KIAA0586: variants seen among roughly 807,000 people sequenced by gnomAD.
The protein encoded by KIAA0586 is protein TALPID3.
In KIAA0586, 144 loss-of-function variants were observed where a neutral mutation model predicts 169.8. That is an observed-to-expected ratio of 0.85 (90% CI 0.74 to 0.97). The LOEUF is 0.97. KIAA0586 is among the 50% of genes least tolerant of loss of function. The pLI is 0.00. For missense variants in KIAA0586, 1,854 were observed against 1,823.0 expected (o/e 1.02, Z -0.31); for synonymous variants, 625 against 612.4 (o/e 1.02, Z -0.30).
At chr14:58,546,481 A>G (rs1002370765) in intron 30 of KIAA0586, among the ~76,000 whole-genome samples, 1 of 152,226 alleles carries the variant, frequency 6.6e-6, no homozygotes, top group African/African-American at 2.4e-5. Context: ...AAGGGATTTT[A>G]GAAAAATTAC....
At chr14:58,551,559 C>T (rs1217709502), downstream of KIAA0586, among the ~76,000 whole-genome samples, 5 of 151,968 alleles carry the variant, frequency 3.3e-5, no homozygotes, top group African/African-American at 4.8e-5. Context: ...GTCAGGAGTT[C>T]GAGACCAGTC....
intron 30 of KIAA0586, among the ~76,000 whole-genome samples, chr14:58,543,126 C>T (rs1188503825): frequency 1.6e-4 from 15 of 95,432 alleles, no homozygotes; most frequent in African/African-American, 7.8e-4. Flanking sequence ...AACGAGATTA[C>T]GTCTCAAAAA....
At chr14:58,459,106 C>T (rs1219060884) in intron 12 of KIAA0586, among the ~76,000 whole-genome samples, 2 of 152,094 alleles carry the variant, frequency 1.3e-5, no homozygotes, top group South Asian at 2.1e-4. Context: ...CGGAACTAGG[C>T]AGGCTAAGGT....
chr14:58,497,004 C>T (rs1265256636), intron 26 of KIAA0586, among the ~76,000 whole-genome samples: 25 of 143,904 alleles, frequency 1.7e-4, no homozygotes, highest in African/African-American at 6.2e-4. Context: ...GACGGAGTTT[C>T]GCTTTTGTTG....
At chr14:58,531,314 G>T (rs1342468073) in intron 29 of KIAA0586, among the ~76,000 whole-genome samples, 1 of 144,624 alleles carries the variant, frequency 6.9e-6, no homozygotes, top group East Asian at 2.0e-4. Context: ...GGGACAGACC[G>T]AGACTCCGTC....
chr14:58,497,717 G>A (rs1184856081), intron 26 of KIAA0586, among the ~76,000 whole-genome samples: 1 of 151,870 alleles, frequency 6.6e-6, no homozygotes, highest in African/African-American at 2.4e-5. Flanking sequence ...GCTGTTTAAA[G>A]TATATTATTC....
Position 58,501,361 on chromosome 14 carries a change from TAC to T in KIAA0586, c.4168+2403_4168+2404del, listed in dbSNP as rs372718343. On this transcript the variant is annotated intron_variant, in intron 27 of 30. Transcript: ENST00000652326. ...GATTCAAATGGCATGAAATGTGACT[TAC>T]ATTTATGTCCAGCTAAATTTGCAGA... is the stretch of plus-strand genomic sequence containing the variant. Among the ~76,000 whole-genome samples, 206 of 152,360 alleles carry T rather than the reference TAC, an allele frequency of 1.4e-3. 8 individuals are homozygous for T. The South Asian group carries it at 0.041, about 30-fold the overall frequency.
rs1484496099 is a variant in KIAA0586 at position 58,442,835 on chromosome 14, T to C, written c.540T>C (p.Ala180=). 1 of 1,610,074 alleles carries C rather than the reference T, an allele frequency of 6.2e-7. No homozygotes were observed. The highest frequency in any genetic ancestry group is 1.3e-5 in the African/African-American group (1 of 75,010). ...GAATTGATTCAGCTACAACCGTGGC[T>C]GCAGCAACTGCTGCTGCCATTGCAA... is the stretch of plus-strand genomic sequence containing the variant. The part of the protein sequence containing the change: ...PSGIDSATTV[A]AATAAAIATA... The change falls in exon 5 of 31, where the codon GCT becomes GCC. Residue 180 remains alanine, a synonymous_variant. Transcript: ENST00000652326.
At chr14:58,454,947 A>G (rs996168380) in intron 9 of KIAA0586, among the ~76,000 whole-genome samples, 14 of 152,220 alleles carry the variant, frequency 9.2e-5, no homozygotes, top group African/African-American at 3.4e-4. Flanking sequence ...GTGGTTTCTG[A>G]TGAGGAGTTG....
rs2042506244 is a variant in KIAA0586, at chr14:58,487,086, T to C, written c.3224T>C (p.Leu1075Ser). Residue 1075 changes from leucine (L) to serine (S), a missense_variant, in exon 22 of 31, where the codon TTG becomes TCG. Leu to Ser is a moderately radical substitution (Grantham distance 145). Transcript: ENST00000652326. Reference sequence around the variant, plus strand: ...TCATCACCTGCTAAGGAGTGTGTTTTGGTAAAGACTCCAGATTCTTCTCCC... The same window carrying C: ...TCATCACCTGCTAAGGAGTGTGTTTCGGTAAAGACTCCAGATTCTTCTCCC... ...SPSSPAKECV[L>S]VKTPDSSPCD... 1 of 1,613,602 alleles carries C rather than the reference T, an allele frequency of 6.2e-7. No homozygotes were observed. Among genetic ancestry groups the C allele is most frequent in the Non-Finnish European group, 8.5e-7 (1 of 1,179,524 alleles).
At chr14:58,539,922 AG>A (rs2046536880) in intron 29 of KIAA0586, 148 bp from the exon 30 acceptor site, 1 of 535,610 alleles carries the variant, frequency 1.9e-6, no homozygotes. Flanking sequence ...CTTTACATTC[AG>A]GCCACTAGAT....
chr14:58,532,136 A>G (rs1308189400), intron 29 of KIAA0586, among the ~76,000 whole-genome samples: 1 of 152,122 alleles, frequency 6.6e-6, no homozygotes, highest in Non-Finnish European at 1.5e-5. Flanking sequence ...GTACCTATGT[A>G]ACAAACCTGC....
chr14:58,472,982 A>G (rs1223735050), intron 18 of KIAA0586, among the ~76,000 whole-genome samples: 2 of 144,862 alleles, frequency 1.4e-5, no homozygotes, highest in African/African-American at 5.1e-5. Context: ...GAGAATTTTG[A>G]AGACAGGGAC....
rs779554669 is a variant in KIAA0586 at position 58,487,108 on chromosome 14, T to G, written c.3246T>G (p.Ser1082=). The G allele has an allele frequency of 4.3e-6, 7 of 1,613,608 alleles. No individual in the cohort carries two copies. The East Asian group carries it at 1.6e-4, about 36-fold the overall frequency. Reference sequence around the variant, plus strand: ...TTTTGGTAAAGACTCCAGATTCTTCTCCCTGTGATTCGGATCATGATATGG... The same window carrying G: ...TTTTGGTAAAGACTCCAGATTCTTCGCCCTGTGATTCGGATCATGATATGG... ...ECVLVKTPDS[S]PCDSDHDMAF... Residue 1082 remains serine, a synonymous_variant, in exon 22 of 31, where the codon TCT becomes TCG. Transcript: ENST00000652326.
chr14:58,523,322 T>A lies in KIAA0586; in HGVS notation c.4429+10695T>A, dbSNP rs558387818. On this transcript the variant is annotated intron_variant, in intron 29 of 30. Transcript: ENST00000652326. ...GTATGGAGAGCTTGGGTTTTTCTCA[T>A]CTTTTTGACATTAAACACATCTCAC... is the stretch of plus-strand genomic sequence containing the variant. Among the ~76,000 whole-genome samples the A allele has an allele frequency of 5.9e-5, 9 of 152,290 alleles. 1 individual carries two copies. The South Asian group carries it at 1.9e-3, about 32-fold the overall frequency.
chr14:58,559,771 C>A, the KIAA0586 span, among the ~76,000 whole-genome samples: 1 of 152,096 alleles, frequency 6.6e-6, no homozygotes, highest in Non-Finnish European at 1.5e-5. Context: ...AGATGGTTTC[C>A]CGCTGCCTGT....
At chr14:58,477,558 C>T (rs551238287) in intron 20 of KIAA0586, among the ~76,000 whole-genome samples, 1 of 152,280 alleles carries the variant, frequency 6.6e-6, no homozygotes, top group South Asian at 2.1e-4. Flanking sequence ...GTACCTCACT[C>T]TTTATACTAT....
At position 58,548,004 on chromosome 14, in the gene KIAA0586, C is replaced by G; in HGVS notation, c.*72C>G. The G allele has an allele frequency of 2.7e-6, 4 of 1,498,214 alleles. No individual in the cohort carries two copies. The highest frequency in any genetic ancestry group is 3.6e-6 in the Non-Finnish European group (4 of 1,111,028). 92.8% of individuals were successfully genotyped at this position (1,498,214 alleles called of 1,614,324 possible). ...TCATTTTACCTTGGCTTAAAACCCT[C>G]TCTCAGACTGTTTGGTTTTTGAGCA... On this transcript the variant is annotated 3_prime_UTR_variant, in exon 31 of 31. Coordinates refer to ENST00000652326, the MANE Select transcript of KIAA0586 (RefSeq NM_001329943.3).
rs761138656 is a variant in KIAA0586 at position 58,466,007 on chromosome 14, G to A, written c.2232G>A (p.Leu744=). The A allele has an allele frequency of 1.2e-6, 2 of 1,607,252 alleles. No individual in the cohort carries two copies. Among genetic ancestry groups the A allele is most frequent in the Non-Finnish European group, 1.7e-6 (2 of 1,176,934 alleles). The change falls in exon 15 of 31, where the codon CTG becomes CTA. Residue 744 remains leucine (L), a synonymous_variant. Transcript: ENST00000652326. ...PTFSGTLEGH[L]IPMAILLGQT... ...TTTCAGGTACATTGGAAGGTCATCT[G>A]ATTCCTATGGCAATTCTTTTAGGTA...
Sources: gnomAD v4.1 joint callset for allele counts (sites outside exome capture counted in the v4.1 genomes callset) on GRCh38, gnomAD v4.1.1 for gene constraint, MANE v1.5 for transcripts, NCBI Gene and HGNC (gene_info 2026-07-23, HGNC 2026-07-21) for gene names.